The following PGF variants were observed in gnomAD, a reference collection of about 807,000 sequenced individuals.
PGF encodes the protein placental growth factor, also known as placenta growth factor.
In PGF, 11 loss-of-function variants were observed where a neutral mutation model predicts 25.3. That is an observed-to-expected ratio of 0.43 (90% CI 0.27 to 0.72). The LOEUF (loss-of-function observed/expected upper bound fraction) is 0.72. Ranked by LOEUF, PGF falls within the 30% of genes least tolerant of loss-of-function variation. The pLI is 0.18. For missense variants in PGF, 230 were observed against 234.9 expected, an observed-to-expected ratio of 0.98 and a Z score of 0.14; for synonymous variants, 105 against 97.9, an observed-to-expected ratio of 1.07 and a Z score of -0.43.
chr14:74,944,316 A>G (rs565569281), intron 6 of PGF, among the ~76,000 whole-genome samples: 1 of 151,858 alleles, frequency 6.6e-6, no homozygotes, highest in South Asian at 2.1e-4. Flanking sequence ...GTTAGCCAGG[A>G]TGGTCTCGAT....
intron 2 of PGF, among the ~76,000 whole-genome samples, chr14:74,951,919 C>T (rs1251145253): frequency 6.6e-6 from 1 of 152,230 alleles, no homozygotes; most frequent in East Asian, 1.9e-4. Flanking sequence ...GTACAGTGAC[C>T]GCTCCCAGAT....
chr14:74,945,449 G>A (rs1420588525), intron 6 of PGF: 1 of 152,200 alleles, frequency 6.6e-6, no homozygotes, highest in Admixed American at 6.5e-5. Flanking sequence ...CATGGAGTGG[G>A]GCTCATGGGG....
chr14:74,942,433 C>T lies in PGF; in HGVS notation c.*273G>A. On this transcript the variant is annotated 3_prime_UTR_variant, in exon 7 of 7. Coordinates refer to ENST00000555567, the MANE Select transcript of PGF (RefSeq NM_002632.6). ...GACCTCCAGGGCCTCTGGGGCCTAG[C>T]TTGCCCCTCACGAGGCCACGTGTCT... 2.2e-6 allele frequency: 1 copy of T among 463,060 alleles called. No individual in the cohort carries two copies. The highest frequency in any genetic ancestry group is 3.8e-6 in the Non-Finnish European group (1 of 260,100). 28.7% of individuals were successfully genotyped at this position (463,060 alleles called of 1,614,324 possible). A position where few individuals can be genotyped will look rare whatever the true frequency, so the allele number is the denominator to read the frequency against.
rs753894812 is a variant in PGF at position 74,946,223 on chromosome 14, C to T, written c.475G>A (p.Asp159Asn). The T allele has an allele frequency of 3.1e-6, 5 of 1,613,960 alleles. No individual in the cohort carries two copies. In the African/African-American group the frequency reaches 6.7e-5, roughly 22 times the overall value. The change falls in exon 6 of 7, where the codon GAC becomes AAC. Residue 159 changes from aspartate (D) to asparagine (N), a missense_variant. Transcript: ENST00000555567. ...KRRREKQRPT[D>N]CHLCGDAVPR... is the part of the protein sequence containing the mutation. ...ACCCCGCACACTCACAGGTGGCAGT[C>T]TGTGGGTCTCTGCTTCTCTCTCCTC...
rs765245877 is a variant in PGF at position 74,946,337 on chromosome 14, G to A, written c.422+42C>T. ...GAACCCCATGCTAGGACAGAGGCTGGCAGGCCCGAGAATAGCCCCGAGCCC... is the reference window on the plus strand; with the variant it reads ...GAACCCCATGCTAGGACAGAGGCTGACAGGCCCGAGAATAGCCCCGAGCCC... On this transcript the variant is annotated intron_variant, in intron 5 of 6. Coordinates refer to ENST00000555567, the MANE Select transcript of PGF (RefSeq NM_002632.6). 1.4e-5 allele frequency: 22 copies of A among 1,613,764 alleles called. No homozygotes were observed. In the Admixed American group the frequency reaches 3.2e-4, roughly 23 times the overall value.
chr14:74,951,425 G>A (rs757205121), intron 2 of PGF, among the ~76,000 whole-genome samples: 4 of 152,224 alleles, frequency 2.6e-5, no homozygotes, highest in Non-Finnish European at 4.4e-5. Flanking sequence ...AAATCTTCAT[G>A]AGCACTACGT....
intron 4 of PGF, 116 bp downstream of exon 4, chr14:74,948,390 AG>A: frequency 1.7e-6 from 1 of 572,508 alleles, no homozygotes; most frequent in Non-Finnish European, 3.1e-6. Flanking sequence ...TCTGGAAAAA[AG>A]TTCAGCCCGC....
rs1419364099 is a variant in PGF, at chr14:74,948,498, G to A, written c.392+9C>T. ...TTTCCTTGCTACCCACCCGACCCCG[G>A]AGACCTACCGGCATTCGCAGCGAAC... On this transcript the variant is annotated intron_variant, in intron 4 of 6. Coordinates refer to ENST00000555567, the MANE Select transcript of PGF (RefSeq NM_002632.6). The A allele has an allele frequency of 1.3e-6, 2 of 1,574,176 alleles. No homozygotes were observed. The highest frequency in any genetic ancestry group is 1.7e-6 in the Non-Finnish European group (2 of 1,147,920).
chr14:74,955,567 C>T lies in PGF; in HGVS notation c.-325G>A. ...GTAGCTGGGCGGCCGTCCGTCGATG[C>T]AGTTTCCTCCGCAGACAGCAGCTCC... On this transcript the variant is annotated 5_prime_UTR_variant, in exon 1 of 7. Coordinates refer to ENST00000555567, the MANE Select transcript of PGF (RefSeq NM_002632.6). This position sits in a 1 kb window ranked among gnomAD's most constrained non-coding sequence, Gnocchi z 4.1. 3.7e-6 allele frequency: 1 copy of T among 271,618 alleles called. No homozygotes were observed. 16.8% of individuals were successfully genotyped at this position (271,618 alleles called of 1,614,324 possible). A position where few individuals can be genotyped will look rare whatever the true frequency, so the allele number is the denominator to read the frequency against.
At chr14:74,952,044 C>T (rs1888884652) in intron 2 of PGF, among the ~76,000 whole-genome samples, 1 of 152,078 alleles carries the variant, frequency 6.6e-6, no homozygotes, top group Non-Finnish European at 1.5e-5. Flanking sequence ...AGCTGTGGCC[C>T]CCTCAGGGCC....
intron 6 of PGF, 64 bp from the exon 7 acceptor site, chr14:74,942,797 T>A: frequency 1.4e-6 from 2 of 1,476,192 alleles, no homozygotes; most frequent in Non-Finnish European, 1.8e-6. Context: ...GGTCTCCTCC[T>A]ATGGAGGAGG....
In PGF at chr14:74,953,873, A is replaced by C; in HGVS notation, c.118+31T>G. The C allele has an allele frequency of 1.2e-6, 2 of 1,604,762 alleles. No homozygotes were observed. Among genetic ancestry groups the C allele is most frequent in the Non-Finnish European group, 1.7e-6 (2 of 1,171,770 alleles). On this transcript the variant is annotated intron_variant, in intron 2 of 6. Transcript: ENST00000555567. This position sits in a 1 kb window ranked among gnomAD's most constrained non-coding sequence, Gnocchi z 5.4. Reference sequence around the variant, plus strand: ...GAGAAAGGAAGAGAGGGGCTTGGGGAGCATGCGTACCCCCAGCCTGGCCAG... The same window carrying C: ...GAGAAAGGAAGAGAGGGGCTTGGGGCGCATGCGTACCCCCAGCCTGGCCAG...
At chr14:74,946,686 C>T in intron 4 of PGF, 1 of 674,168 alleles carries the variant, frequency 1.5e-6, no homozygotes, top group Non-Finnish European at 2.7e-6. Context: ...CTCTTGGCAT[C>T]AAATTTGGTT....
At chr14:74,946,191 C>T (rs1436026780) in intron 6 of PGF, 22 bp downstream of exon 6, 1 of 1,611,620 alleles carries the variant, frequency 6.2e-7, no homozygotes, top group Non-Finnish European at 8.5e-7. Flanking sequence ...TCCTCGCCAT[C>T]CCTGGGACCC....
intron 2 of PGF, among the ~76,000 whole-genome samples, chr14:74,951,795 G>A (rs1327396046): frequency 1.3e-5 from 2 of 152,174 alleles, no homozygotes; most frequent in African/African-American, 2.4e-5. Context: ...AAGGAGGTGG[G>A]CTGGAGCCTG....
chr14:74,943,582 G>C (rs1250757203), intron 6 of PGF, among the ~76,000 whole-genome samples: 1 of 152,154 alleles, frequency 6.6e-6, no homozygotes, highest in Admixed American at 6.5e-5. Context: ...TTATTTATGT[G>C]AACATGGTTT....
chr14:74,949,583 C>A lies in PGF; in HGVS notation c.119-30G>T, dbSNP rs546558495. The A allele has an allele frequency of 1.9e-5, 28 of 1,480,318 alleles. No individual in the cohort carries two copies. In the South Asian group the frequency reaches 3.7e-4, roughly 20 times the overall value. The allele number at this position is 1,480,318 out of a possible 1,614,324, so 91.7% of individuals were successfully genotyped here. On this transcript the variant is annotated intron_variant, in intron 2 of 6. Transcript: ENST00000555567. ...GAGGAAGCAAGGGGGCTGGGTCAGG[C>A]CAGCAGAGACCTGCCCCTTGAAGCC...
Position 74,955,507 on chromosome 14 carries a change from T to C in PGF, c.-265A>G. On this transcript the variant is annotated 5_prime_UTR_variant, in exon 1 of 7. Transcript: ENST00000555567. The surrounding 1 kb of genome is among the most constrained non-coding windows in gnomAD (Gnocchi z 4.1). ...AGGGGCAGGCGGGTCCCGGGGATGGTCCGTCGGGCGCCCAGTGCCACTCCA... is the reference window on the plus strand; with the variant it reads ...AGGGGCAGGCGGGTCCCGGGGATGGCCCGTCGGGCGCCCAGTGCCACTCCA... 1 of 367,124 alleles carries C rather than the reference T, an allele frequency of 2.7e-6. No individual in the cohort carries two copies. Among genetic ancestry groups the C allele is most frequent in the Non-Finnish European group, 4.9e-6 (1 of 205,796 alleles). 22.7% of individuals were successfully genotyped at this position (367,124 alleles called of 1,614,324 possible). A position where few individuals can be genotyped will look rare whatever the true frequency, so the allele number is the denominator to read the frequency against.
At chr14:74,948,641 T>C in intron 3 of PGF, 58 bp from the exon 4 acceptor site, 3 of 1,085,914 alleles carry the variant, frequency 2.8e-6, no homozygotes, top group Non-Finnish European at 4.2e-6. Flanking sequence ...TTTCCGGCAC[T>C]CTTCTCTCTC....
Sources: allele counts gnomAD v4.1 joint callset (sites outside exome capture counted in the v4.1 genomes callset), GRCh38; gene constraint gnomAD v4.1.1; non-coding constraint Gnocchi (gnomAD v3.1); transcripts MANE v1.5; gene names NCBI Gene and HGNC (gene_info 2026-07-23, HGNC 2026-07-21).